GPC6: variants seen among roughly 807,000 people sequenced by gnomAD.
The protein encoded by GPC6 is glypican 6.
Under a neutral mutation model 55.2 loss-of-function variants are expected in GPC6, and 14 were observed. The ratio of observed to expected loss-of-function variants is 0.25; its 90% CI spans 0.17 to 0.40. The LOEUF (loss-of-function observed/expected upper bound fraction) is 0.40. Among genes scored for constraint, GPC6 ranks in the 10% least tolerant of loss-of-function variants. The pLI is 1.00. For missense variants in GPC6, 641 were observed against 708.5 expected, an observed-to-expected ratio of 0.90 and a Z score of 1.08; for synonymous variants, 278 against 259.6, an observed-to-expected ratio of 1.07 and a Z score of -0.68.
chr13:93,267,067 G>A (rs7981301), intron 1 of GPC6, among the ~76,000 whole-genome samples: 4,902 of 152,232 alleles, frequency 0.032, 247 homozygotes, highest in African/African-American at 0.11. Context: ...TTAAGCAGGA[G>A]TAATGATAGT....
At chr13:94,266,160 T>TTTTTTG (rs1555313268) in intron 4 of GPC6, among the ~76,000 whole-genome samples, 141 of 148,184 alleles carry the variant, frequency 9.5e-4, no homozygotes, top group African/African-American at 3.3e-3. Flanking sequence ...TCTTTTTTTT[T>TTTTTTG]TTTGTTTGTT....
chr13:94,282,141 A>G (rs1213294096), intron 4 of GPC6, among the ~76,000 whole-genome samples: 1 of 152,202 alleles, frequency 6.6e-6, no homozygotes, highest in Non-Finnish European at 1.5e-5. Context: ...ATTATAAATC[A>G]TGGTACTGTG....
At chr13:93,714,614 T>C (rs1450545201) in intron 2 of GPC6, among the ~76,000 whole-genome samples, 1 of 151,684 alleles carries the variant, frequency 6.6e-6, no homozygotes, top group Non-Finnish European at 1.5e-5. Context: ...ATCATACTGA[T>C]GCTGGGCAGA....
At chr13:93,886,709 A>G (rs1016192449) in intron 3 of GPC6, among the ~76,000 whole-genome samples, 6 of 149,246 alleles carry the variant, frequency 4.0e-5, no homozygotes, top group African/African-American at 1.5e-4. Flanking sequence ...ACGTTTGTAG[A>G]TAGTTTGATG....
Position 93,918,094 on chromosome 13 carries a change from C to CA in GPC6, c.711+87564dup, listed in dbSNP as rs5805834. ...CCTGGGTGACATAGAGAGACTCCGTCAAAAAAAAAAAAAAATCACATCTAA... is the reference window on the plus strand; with the variant it reads ...CCTGGGTGACATAGAGAGACTCCGTCAAAAAAAAAAAAAAAATCACATCTAA... On this transcript the variant is annotated intron_variant, in intron 3 of 8. Transcript: ENST00000377047. Among the ~76,000 whole-genome samples, 223 of 138,832 alleles carry CA rather than the reference C, an allele frequency of 1.6e-3. 1 individual carries two copies. The highest frequency in any genetic ancestry group is 3.8e-3 in the African/African-American group (142 of 37,536). The allele number at this position is 138,832 out of a possible 152,430, so 91.1% of individuals were successfully genotyped here. A position where few individuals can be genotyped will look rare whatever the true frequency, so the allele number is the denominator to read the frequency against.
At chr13:93,256,310 G>A (rs190914623) in intron 1 of GPC6, among the ~76,000 whole-genome samples, 12 of 151,850 alleles carry the variant, frequency 7.9e-5, no homozygotes, top group African/African-American at 2.9e-4. Context: ...ATTAAAAGTT[G>A]CTTTCCTATG....
intron 1 of GPC6, among the ~76,000 whole-genome samples, chr13:93,515,507 T>A (rs1881154954): frequency 1.3e-5 from 2 of 152,184 alleles, no homozygotes; most frequent in Non-Finnish European, 2.9e-5. Context: ...CCTCCACCAA[T>A]GGCTAACTTC....
intron 4 of GPC6, among the ~76,000 whole-genome samples, chr13:94,058,794 A>G (rs1338407904): frequency 6.6e-6 from 1 of 152,192 alleles, no homozygotes; most frequent in Admixed American, 6.5e-5. Flanking sequence ...TGTTAGGGCA[A>G]GAGTTTGGTA....
chr13:93,716,395 G>C (rs1883256547), intron 2 of GPC6, among the ~76,000 whole-genome samples: 1 of 151,558 alleles, frequency 6.6e-6, no homozygotes, highest in African/African-American at 2.4e-5. Context: ...CTTCCAGTGA[G>C]ACAAGATGTG....
rs372448023 is a variant in GPC6, at chr13:94,407,893, T to TTA, written c.*4678_*4679dup. 2.6e-5 allele frequency among the ~76,000 whole-genome samples: 4 copies of TTA among 152,190 alleles called. No individual in the cohort carries two copies. The highest frequency in any genetic ancestry group is 9.6e-5 in the African/African-American group (4 of 41,454). Reference sequence around the variant, plus strand: ...CTCTATAAACCCTGCTCTAGGGGATTTATCACTGGCTGTGAAAAACCACCA... The same window carrying TTA: ...CTCTATAAACCCTGCTCTAGGGGATTTATATCACTGGCTGTGAAAAACCACCA... On this transcript the variant is annotated 3_prime_UTR_variant, in exon 9 of 9. Coordinates refer to ENST00000377047, the MANE Select transcript of GPC6 (RefSeq NM_005708.5).
At position 93,507,061 on chromosome 13, in the gene GPC6, CAAAAAAAAAAAAAAAAAAAA is replaced by C. The variant is rs56368708; in HGVS notation, c.161-38192_161-38173del. Among the ~76,000 whole-genome samples the C allele has an allele frequency of 1.6e-3, 83 of 52,140 alleles. 2 individuals carry two copies. Among genetic ancestry groups the C allele is most frequent in the African/African-American group, 6.5e-3 (80 of 12,256 alleles). 34.2% of individuals were successfully genotyped at this position (52,140 alleles called of 152,430 possible). A position where few individuals can be genotyped will look rare whatever the true frequency, so the allele number is the denominator to read the frequency against. ...TGGGCGACAGAGCGAGACTCCGTCT[CAAAAAAAAAAAAAAAAAAAA>C]AAAAAAAAAGCCCGGAGTATATTCA... On this transcript the variant is annotated intron_variant, in intron 1 of 8. Coordinates refer to ENST00000377047, the MANE Select transcript of GPC6 (RefSeq NM_005708.5).
chr13:93,735,682 G>A (rs553043348), intron 2 of GPC6, among the ~76,000 whole-genome samples: 6 of 152,290 alleles, frequency 3.9e-5, no homozygotes, highest in African/African-American at 1.2e-4. Context: ...TGAAGTTAAT[G>A]CCTGGTCAAT....
intron 2 of GPC6, among the ~76,000 whole-genome samples, chr13:93,699,737 C>A (rs1882603558): frequency 6.6e-6 from 1 of 152,010 alleles, no homozygotes; most frequent in East Asian, 1.9e-4. Flanking sequence ...AGTCCTGATT[C>A]TATTACTATG....
intron 4 of GPC6, among the ~76,000 whole-genome samples, chr13:94,268,221 A>C (rs913159810): frequency 1.3e-5 from 2 of 152,242 alleles, no homozygotes; most frequent in African/African-American, 4.8e-5. Flanking sequence ...AGACTTTAGA[A>C]TAAATAATTT....
chr13:93,518,580 T>C (rs1000085487), intron 1 of GPC6, among the ~76,000 whole-genome samples: 3 of 152,008 alleles, frequency 2.0e-5, no homozygotes, highest in African/African-American at 7.2e-5. Flanking sequence ...TTAACTGTTA[T>C]CTTAGTAAAC....
chr13:93,445,915 A>T (rs1394593949), intron 1 of GPC6, among the ~76,000 whole-genome samples: 1 of 152,204 alleles, frequency 6.6e-6, no homozygotes, highest in Non-Finnish European at 1.5e-5. Flanking sequence ...AGAAATTTCC[A>T]CTGGGCTTTG....
At chr13:93,907,218 C>A (rs1167163294) in intron 3 of GPC6, among the ~76,000 whole-genome samples, 1 of 151,998 alleles carries the variant, frequency 6.6e-6, no homozygotes, top group Non-Finnish European at 1.5e-5. Flanking sequence ...TGCTATAATC[C>A]TTTTCTTATG....
chr13:93,872,547 A>C (rs1017560373), intron 3 of GPC6, among the ~76,000 whole-genome samples: 1 of 151,906 alleles, frequency 6.6e-6, no homozygotes, highest in Non-Finnish European at 1.5e-5. Context: ...GGCTCTAGGG[A>C]ACAATCCATT....
chr13:93,459,692 A>T (rs1047322466), intron 1 of GPC6, among the ~76,000 whole-genome samples: 4 of 151,842 alleles, frequency 2.6e-5, no homozygotes, highest in African/African-American at 9.7e-5. Flanking sequence ...TTTTTTGGAG[A>T]TTTTGTGTGC....
Sources: allele counts gnomAD v4.1 joint callset (sites outside exome capture counted in the v4.1 genomes callset), GRCh38; gene constraint gnomAD v4.1.1; transcripts MANE v1.5; gene names NCBI Gene and HGNC (gene_info 2026-07-23, HGNC 2026-07-21).